Variants in ASH1L observed in about 807,000 individuals in gnomAD.
ASH1L encodes the protein histone-lysine N-methyltransferase ASH1L.
Under a neutral mutation model 269.0 loss-of-function variants are expected in ASH1L, and 23 were observed. The ratio of observed to expected loss-of-function variants is 0.09; its 90% CI spans 0.06 to 0.12. ASH1L has a LOEUF of 0.12. Ranked by LOEUF, ASH1L falls within the 10% of genes least tolerant of loss-of-function variation. ASH1L has a pLI of 1.00. For missense variants in ASH1L, 2,912 were observed against 3,567.8 expected (o/e 0.82, Z 4.68); for synonymous variants, 1,187 against 1,253.5 (o/e 0.95, Z 1.12).
intron 26 of ASH1L, among the ~76,000 whole-genome samples, chr1:155,338,971 C>T (rs1379675466): frequency 6.6e-6 from 1 of 152,192 alleles, no homozygotes. Flanking sequence ...GTTCATAGCT[C>T]AGTGAAAACT....
chr1:155,433,140 C>T, intron 5 of ASH1L: 2 of 1,455,288 alleles, frequency 1.4e-6, no homozygotes, highest in Non-Finnish European at 9.2e-7. Context: ...AAATATTTGA[C>T]ATTTCACCAG....
intron 12 of ASH1L, among the ~76,000 whole-genome samples, chr1:155,361,502 G>A (rs1654934969): frequency 1.9e-5 from 2 of 105,676 alleles, no homozygotes; most frequent in African/African-American, 7.4e-5. Context: ...GGGTGACAGA[G>A]TGAGACTCCA....
chr1:155,469,879 C>A (rs561729884), intron 3 of ASH1L, among the ~76,000 whole-genome samples: 2 of 152,288 alleles, frequency 1.3e-5, no homozygotes, highest in East Asian at 1.9e-4. Context: ...CTTCTCATAC[C>A]TTATAAAGTA....
chr1:155,426,999 T>C (rs577742818), intron 5 of ASH1L, among the ~76,000 whole-genome samples: 12 of 152,318 alleles, frequency 7.9e-5, no homozygotes, highest in African/African-American at 2.9e-4. Flanking sequence ...CAAGCTTCCA[T>C]ATATGTGTAG....
At chr1:155,450,930 G>GCT (rs764422813) in intron 4 of ASH1L, among the ~76,000 whole-genome samples, 14 of 152,178 alleles carry the variant, frequency 9.2e-5, no homozygotes, top group Non-Finnish European at 1.9e-4. Flanking sequence ...GGGTGCAGTG[G>GCT]CTCACACCTG....
At position 155,357,825 on chromosome 1, in the gene ASH1L, C is replaced by T. The variant is rs1400232671; in HGVS notation, c.6796-76G>A. ...CTTTCCTGTCACTCAGGCTGAAGTA[C>T]AATAGTATGATCATGGCTCACTGCA... On this transcript the variant is annotated intron_variant, in intron 13 of 27. Coordinates refer to ENST00000392403, the MANE Select transcript of ASH1L (RefSeq NM_018489.3). 2.9e-6 allele frequency: 4 copies of T among 1,385,898 alleles called. No homozygotes were observed. In the African/African-American group the frequency reaches 4.4e-5, roughly 15 times the overall value. The allele number at this position is 1,385,898 out of a possible 1,614,324, so 85.9% of individuals were successfully genotyped here.
intron 3 of ASH1L, among the ~76,000 whole-genome samples, chr1:155,460,556 C>T (rs938803946): frequency 6.6e-6 from 1 of 151,918 alleles, no homozygotes; most frequent in African/African-American, 2.4e-5. Context: ...TGCAGTGAGC[C>T]GAGATTGCGC....
intron 10 of ASH1L, among the ~76,000 whole-genome samples, chr1:155,372,822 C>T (rs1453165678): frequency 6.6e-6 from 1 of 152,088 alleles, no homozygotes; most frequent in East Asian, 1.9e-4. Context: ...GGTATATTTG[C>T]TGCTGTTGTA....
intron 6 of ASH1L, among the ~76,000 whole-genome samples, chr1:155,402,027 T>C (rs1571112641): frequency 6.6e-6 from 1 of 151,480 alleles, no homozygotes; most frequent in East Asian, 1.9e-4. Flanking sequence ...GAGGTGGAGG[T>C]TGCAGTGAGC....
chr1:155,414,435 A>G (rs1660044569), intron 6 of ASH1L, among the ~76,000 whole-genome samples: 1 of 151,712 alleles, frequency 6.6e-6, no homozygotes, highest in African/African-American at 2.4e-5. Context: ...TCAGCCTCCC[A>G]AGTAGCTGGG....
intron 4 of ASH1L, among the ~76,000 whole-genome samples, chr1:155,446,383 C>T (rs1213722237): frequency 6.7e-6 from 1 of 150,340 alleles, no homozygotes; most frequent in African/African-American, 2.4e-5. Flanking sequence ...ACTGCAACCT[C>T]CACCTCCCGG....
intron 6 of ASH1L, among the ~76,000 whole-genome samples, chr1:155,409,152 AT>A (rs2148519507): frequency 6.6e-6 from 1 of 152,070 alleles, no homozygotes; most frequent in East Asian, 1.9e-4. Context: ...AGCCTCCCAA[AT>A]AGCTGGGACT....
intron 7 of ASH1L, among the ~76,000 whole-genome samples, chr1:155,387,864 G>A (rs1485056388): frequency 6.6e-6 from 1 of 152,116 alleles, no homozygotes; most frequent in Non-Finnish European, 1.5e-5. Flanking sequence ...CTAGTTAGCT[G>A]TATTCCTAGG....
At position 155,338,286 on chromosome 1, in the gene ASH1L, G is replaced by T; in HGVS notation, c.8606C>A (p.Ala2869Glu). Residue 2869 changes from alanine to glutamate, a missense_variant, in exon 27 of 28, where the codon GCA (alanine) becomes GAA (glutamate). Physicochemically the swap from Ala to Glu is moderately radical, Grantham distance 107. Around this residue, in one of 13 missense-constraint regions of ASH1L, gnomAD observed 154 missense variants for 165.0 expected, o/e 0.93. Transcript: ENST00000392403. ...CTCCAGGCTGGGTATCTCATTGGCT[G>T]CTTGCTCTTGACTGGCTAGAACCTC... ...IEEVLASQEQAANEIPSLEEP... is the reference protein window; with the variant it reads ...IEEVLASQEQEANEIPSLEEP... 1 of 1,613,898 alleles carries T rather than the reference G, an allele frequency of 6.2e-7. No homozygotes were observed. Among genetic ancestry groups the T allele is most frequent in the Non-Finnish European group, 8.5e-7 (1 of 1,179,994 alleles).
At chr1:155,502,932 C>T (rs1667604271) in intron 2 of ASH1L, among the ~76,000 whole-genome samples, 1 of 152,154 alleles carries the variant, frequency 6.6e-6, no homozygotes, top group African/African-American at 2.4e-5. Context: ...TTCCATATTT[C>T]ATAATTCCTA....
chr1:155,552,741 A>C (rs1671304949), intron 1 of ASH1L, among the ~76,000 whole-genome samples: 1 of 152,216 alleles, frequency 6.6e-6, no homozygotes, highest in African/African-American at 2.4e-5. Context: ...TAGTATGCTA[A>C]AAATTGAAAA....
chr1:155,563,014 G>C (rs1450348266), upstream of ASH1L: 1 of 458,280 alleles, frequency 2.2e-6, no homozygotes, highest in Non-Finnish European at 4.4e-6. Context: ...CGAGCGGGTC[G>C]GGGCTTGCCG....
upstream of ASH1L, chr1:155,563,139 C>T (rs1403820221): frequency 4.4e-6 from 2 of 457,424 alleles, no homozygotes; most frequent in East Asian, 1.4e-4. Context: ...CGCCGGATCG[C>T]GGCGAGCGGA....
At chr1:155,546,274 T>G (rs550933856) in intron 1 of ASH1L, among the ~76,000 whole-genome samples, 1 of 149,128 alleles carries the variant, frequency 6.7e-6, no homozygotes, top group African/African-American at 2.5e-5. Flanking sequence ...GAGCTTGCAA[T>G]GAGCCGATAT....
Sources: gnomAD v4.1 joint callset for allele counts (sites outside exome capture counted in the v4.1 genomes callset) on GRCh38, gnomAD v4.1.1 for gene constraint, gnomAD v4.1.1 regional missense constraint, MANE v1.5 for transcripts, NCBI Gene and HGNC (gene_info 2026-07-23, HGNC 2026-07-21) for gene names.